The following LRRCC1 variants were observed in gnomAD, a reference collection of about 807,000 sequenced individuals.
LRRCC1 encodes the protein leucine rich repeat and coiled-coil centrosomal protein 1.
A neutral mutation model predicts 126.0 loss-of-function variants in LRRCC1; 115 were observed. The observed-to-expected ratio is 0.91, with a 90% CI of 0.78 to 1.07. The LOEUF is 1.07. LRRCC1 is among the 50% of genes least tolerant of loss of function. The pLI is 0.00. For synonymous variants in LRRCC1, 400 were observed against 393.4 expected, an observed-to-expected ratio of 1.02 and a Z score of -0.20; for missense variants, 1,172 against 1,175.7, an observed-to-expected ratio of 1.00 and a Z score of 0.05.
intron 11 of LRRCC1, among the ~76,000 whole-genome samples, chr8:85,130,434 G>T (rs909736462): frequency 6.6e-6 from 1 of 151,648 alleles, no homozygotes; most frequent in East Asian, 1.9e-4. Flanking sequence ...GAGCCACCGC[G>T]CCTGGCCCCC....
chr8:85,142,187 G>A (rs953404718), intron 18 of LRRCC1, among the ~76,000 whole-genome samples: 2 of 151,948 alleles, frequency 1.3e-5, no homozygotes, highest in East Asian at 3.9e-4. Context: ...CCAGCTACTC[G>A]GGAGGCTGAG....
In LRRCC1 at chr8:85,131,937, T is replaced by A. The variant is rs373651404; in HGVS notation, c.1944T>A (p.Thr648=). The A allele has an allele frequency of 8.1e-6, 13 of 1,611,336 alleles. No individual in the cohort carries two copies. Among genetic ancestry groups the A allele is most frequent in the South Asian group, 2.2e-5 (2 of 89,976 alleles). The change falls in exon 12 of 19, where the codon ACT becomes ACA. Residue 648 remains threonine (T), a synonymous_variant. Transcript: ENST00000360375. ...DLENEFRIAL[T]VEARRFQDVK... The stretch of plus-strand genomic sequence containing the variant: ...AAAATGAATTCCGTATTGCTTTAAC[T>A]GTTGAAGCCAGAAGATTTCAAGATG...
intron 6 of LRRCC1, among the ~76,000 whole-genome samples, chr8:85,119,597 G>A (rs770577973): frequency 5.3e-5 from 8 of 151,464 alleles, no homozygotes; most frequent in Admixed American, 1.3e-4. Context: ...GGGTTCAAGC[G>A]ATTCTTCTGC....
At chr8:85,132,673 G>A (rs1013972236) in intron 12 of LRRCC1, among the ~76,000 whole-genome samples, 9 of 152,130 alleles carry the variant, frequency 5.9e-5, no homozygotes, top group South Asian at 2.1e-4. Context: ...GATTACAGGC[G>A]TGAGCCACTG....
intron 8 of LRRCC1, among the ~76,000 whole-genome samples, chr8:85,126,041 C>G (rs1032062066): frequency 6.6e-6 from 1 of 152,046 alleles, no homozygotes; most frequent in South Asian, 2.1e-4. Context: ...CAAGTTTGTT[C>G]GAGATTAGAT....
intron 6 of LRRCC1, among the ~76,000 whole-genome samples, chr8:85,121,520 C>T (rs943949247): frequency 5.3e-5 from 8 of 152,144 alleles, no homozygotes; most frequent in African/African-American, 1.7e-4. Flanking sequence ...CAGCTCACCG[C>T]AACCTCCACC....
chr8:85,123,305 T>A (rs1303948020), intron 6 of LRRCC1, 108 bp from the exon 7 acceptor site: 1 of 741,090 alleles, frequency 1.3e-6, no homozygotes, highest in Non-Finnish European at 2.1e-6. Flanking sequence ...CATTTCTAGT[T>A]TATAAACCCT....
chr8:85,141,581 A>G, intron 18 of LRRCC1, 64 bp downstream of exon 18: 1 of 1,214,698 alleles, frequency 8.2e-7, no homozygotes, highest in South Asian at 1.6e-5. Context: ...AATAAATTAG[A>G]TCTTCGAGAA....
chr8:85,142,939 T>C (rs536098725), intron 18 of LRRCC1, among the ~76,000 whole-genome samples: 2 of 152,160 alleles, frequency 1.3e-5, no homozygotes, highest in Non-Finnish European at 2.9e-5. Flanking sequence ...GTGAGGTCTT[T>C]GGAAATAATC....
chr8:85,132,468 C>T (rs1266468990), intron 12 of LRRCC1, among the ~76,000 whole-genome samples: 1 of 148,070 alleles, frequency 6.8e-6, no homozygotes, highest in Non-Finnish European at 1.5e-5. Flanking sequence ...TCTTGGCTCA[C>T]TCCAATTTCT....
Position 85,135,892 on chromosome 8 carries a change from C to A in LRRCC1, c.2258C>A (p.Ala753Glu), listed in dbSNP as rs748142470. Reference protein sequence around the residue: ...HEKVQLISELAAKESLIFGLR... With the variant: ...HEKVQLISELEAKESLIFGLR... ...AAAGTCCAGCTTATTTCTGAGCTAG[C>A]AGCCAAGGAATCACTAATATTTGGT... The change falls in exon 14 of 19, where the codon GCA (alanine) becomes GAA (glutamate). Residue 753 changes from alanine (A) to glutamate (E), a missense_variant. By Grantham distance (107) the Ala-to-Glu change is moderately radical. Coordinates refer to ENST00000360375, the MANE Select transcript of LRRCC1 (RefSeq NM_033402.5). The A allele has an allele frequency of 9.3e-6, 15 of 1,607,868 alleles. No individual in the cohort carries two copies. The East Asian group carries it at 3.4e-4, about 36-fold the overall frequency.
rs1266239469 is a variant in LRRCC1 at position 85,113,010 on chromosome 8, A to G, written c.455A>G (p.His152Arg). The change falls in exon 4 of 19, where the codon CAC becomes CGC. Residue 152 changes from histidine (H) to arginine (R), a missense_variant. Transcript: ENST00000360375. ...AGTAATCGTATAGATAGTATCCATC[A>G]CTTACTTCAGTGTATGGTAGGATTG... is the stretch of plus-strand genomic sequence containing the variant. Reference protein sequence around the residue: ...LHSNRIDSIHHLLQCMVGLHF... With the variant: ...LHSNRIDSIHRLLQCMVGLHF... The G allele has an allele frequency of 6.2e-7, 1 of 1,603,228 alleles. No homozygotes were observed. Among genetic ancestry groups the G allele is most frequent in the African/African-American group, 1.3e-5 (1 of 74,834 alleles).
Position 85,135,800 on chromosome 8 carries a change from C to G in LRRCC1, c.2166C>G (p.Asn722Lys). ...TTGGGAATATACAGAATCAAATCAA[C>G]ACCCTTGAAATTTTAATTGAAGATG... ...ETAANLQNQI[N>K]TLEILIEDDK... Residue 722 changes from asparagine (N) to lysine (K), a missense_variant, in exon 14 of 19, where the codon AAC becomes AAG. By Grantham distance (94) the Asn-to-Lys change is moderately conservative. Coordinates refer to ENST00000360375, the MANE Select transcript of LRRCC1 (RefSeq NM_033402.5). 1 of 1,521,142 alleles carries G rather than the reference C, an allele frequency of 6.6e-7. No individual in the cohort carries two copies. Among genetic ancestry groups the G allele is most frequent in the South Asian group, 1.4e-5 (1 of 72,962 alleles). 94.2% of individuals were successfully genotyped at this position (1,521,142 alleles called of 1,614,324 possible).
At chr8:85,115,014 C>G in intron 4 of LRRCC1, 86 bp from the exon 5 acceptor site, 1 of 1,021,520 alleles carries the variant, frequency 9.8e-7, no homozygotes, top group Non-Finnish European at 1.4e-6. Context: ...GGTGATGTAT[C>G]TGGTAGCTGA....
At position 85,134,934 on chromosome 8, in the gene LRRCC1, T is replaced by A. The variant is rs769503267; in HGVS notation, c.2056T>A (p.Ser686Thr). The change falls in exon 13 of 19, where the codon TCC (serine) becomes ACC (threonine). Residue 686 changes from serine (S) to threonine (T), a missense_variant. By Grantham distance (58) the Ser-to-Thr change is moderately conservative (BLOSUM62 1). Transcript: ENST00000360375. ...IWAQRKENESSSLIKDLTCMV... is the reference protein window; with the variant it reads ...IWAQRKENESTSLIKDLTCMV... ...GGCTCAACGAAAAGAAAATGAGTCT[T>A]CCTCTTTAATTAAAGATCTGACCTG... The A allele has an allele frequency of 1.3e-6, 2 of 1,596,094 alleles. No homozygotes were observed. The highest frequency in any genetic ancestry group is 1.2e-5 in the South Asian group (1 of 86,478).
chr8:85,109,027 A>T (rs533814530), intron 1 of LRRCC1: 2 of 152,444 alleles, frequency 1.3e-5, no homozygotes, highest in Non-Finnish European at 2.9e-5. Context: ...TTAAATAGCT[A>T]TTGCACACAA....
chr8:85,109,982 A>C, intron 2 of LRRCC1, 133 bp from the exon 3 acceptor site: 1 of 604,944 alleles, frequency 1.7e-6, no homozygotes, highest in South Asian at 2.6e-5. Context: ...CTAAATGCCA[A>C]TAAAATTGAT....
intron 8 of LRRCC1, among the ~76,000 whole-genome samples, chr8:85,125,210 C>T (rs1357848754): frequency 1.3e-5 from 2 of 151,956 alleles, no homozygotes; most frequent in Non-Finnish European, 2.9e-5. Flanking sequence ...ATTCTTATTC[C>T]TTAAGGTAGT....
chr8:85,134,207 G>A (rs1810694096), intron 12 of LRRCC1, among the ~76,000 whole-genome samples: 1 of 152,134 alleles, frequency 6.6e-6, no homozygotes, highest in Non-Finnish European at 1.5e-5. Context: ...TTTTACCCAA[G>A]CATATAGTAT....
Sources: gnomAD v4.1 joint callset for allele counts (sites outside exome capture counted in the v4.1 genomes callset) on GRCh38, gnomAD v4.1.1 for gene constraint, MANE v1.5 for transcripts, NCBI Gene and HGNC (gene_info 2026-07-23, HGNC 2026-07-21) for gene names.